SLC6A15: variants seen among roughly 807,000 people sequenced by gnomAD.
The protein encoded by SLC6A15 is sodium-dependent neutral amino acid transporter B(0)AT2.
In SLC6A15, 33 loss-of-function variants were observed where a neutral mutation model predicts 68.5. The ratio of observed to expected loss-of-function variants is 0.48; its 90% CI spans 0.37 to 0.64. The LOEUF is 0.64. Among genes scored for constraint, SLC6A15 ranks in the 30% least tolerant of loss-of-function variants. SLC6A15 has a pLI of 0.00. For missense variants in SLC6A15, 747 were observed against 874.3 expected (o/e 0.85, Z 1.84); for synonymous variants, 347 against 301.0 (o/e 1.15, Z -1.58).
chr12:84,874,366 GA>G (rs1871421545), intron 6 of SLC6A15: 1 of 152,120 alleles, frequency 6.6e-6, no homozygotes, highest in African/African-American at 2.4e-5. Flanking sequence ...TAACATAGAT[GA>G]GCTATAGCGG....
chr12:84,885,284 T>C, intron 4 of SLC6A15, 151 bp downstream of exon 4: 6 of 691,614 alleles, frequency 8.7e-6, no homozygotes, highest in Non-Finnish European at 1.3e-5. Context: ...TCTAAGAGTA[T>C]GTCAATCCTG....
intron 6 of SLC6A15, among the ~76,000 whole-genome samples, chr12:84,873,885 A>G (rs1239354501): frequency 6.6e-6 from 1 of 152,212 alleles, no homozygotes; most frequent in Non-Finnish European, 1.5e-5. Flanking sequence ...AATTGAAGAA[A>G]TTCACCTATA....
chr12:84,862,861 C>T (rs1870909349), intron 11 of SLC6A15, among the ~76,000 whole-genome samples: 1 of 152,042 alleles, frequency 6.6e-6, no homozygotes. Flanking sequence ...GTAATCATAA[C>T]TCACTTTAAC....
intron 1 of SLC6A15, among the ~76,000 whole-genome samples, chr12:84,907,305 G>A (rs568399666): frequency 2.0e-5 from 3 of 151,668 alleles, no homozygotes; most frequent in South Asian, 2.1e-4. Context: ...CTGAGATCGC[G>A]CCACTGAACT....
chr12:84,884,090 G>A, intron 4 of SLC6A15, 50 bp from the exon 5 acceptor site: 1 of 1,486,294 alleles, frequency 6.7e-7, no homozygotes, highest in South Asian at 1.2e-5. Flanking sequence ...AAAGAGCAAT[G>A]CGACAATTTC....
At chr12:84,881,501 G>T in intron 5 of SLC6A15, 1 of 985,374 alleles carries the variant, frequency 1.0e-6, no homozygotes. Flanking sequence ...ATCCAGTATT[G>T]CAGATGTGGT....
At position 84,860,770 on chromosome 12, in the gene SLC6A15, T is replaced by A. The variant is rs1229405850; in HGVS notation, c.*862A>T. The A allele has an allele frequency of 6.6e-6, 1 of 152,164 alleles. No individual in the cohort carries two copies. The highest frequency in any genetic ancestry group is 2.4e-5 in the African/African-American group (1 of 41,462). The allele number at this position is 152,164 out of a possible 1,614,324, so 9.4% of individuals were successfully genotyped here. ...CAAAACAGAAATATATTAATTAAAA[T>A]GCCATCTTGCTTCAAGTTTTCAAAT... On this transcript the variant is annotated 3_prime_UTR_variant, in exon 12 of 12. Transcript: ENST00000266682.
intron 5 of SLC6A15, among the ~76,000 whole-genome samples, chr12:84,879,966 G>GT (rs1207794955): frequency 3.3e-5 from 5 of 152,104 alleles, no homozygotes; most frequent in Non-Finnish European, 7.3e-5. Context: ...TTATTCTGCA[G>GT]TATTTTGAAA....
intron 8 of SLC6A15, among the ~76,000 whole-genome samples, chr12:84,871,408 C>T (rs1399579642): frequency 1.3e-5 from 2 of 150,194 alleles, no homozygotes; most frequent in Non-Finnish European, 3.0e-5. Context: ...AATAAAAAGA[C>T]AGATACTCCA....
chr12:84,869,132 C>T lies in SLC6A15; in HGVS notation c.1495+1346G>A, dbSNP rs146738029. Among the ~76,000 whole-genome samples the T allele has an allele frequency of 1.5e-3, 234 of 152,166 alleles. 5 individuals carry two copies. The East Asian group carries it at 0.042, about 27-fold the overall frequency. On this transcript the variant is annotated intron_variant, in intron 9 of 11. Coordinates refer to ENST00000266682, the MANE Select transcript of SLC6A15 (RefSeq NM_182767.6). ...AAATGATAAAGGTATATATTTGAGA[C>T]TTATTTAGACATATATTATTAGTAA...
In SLC6A15 at chr12:84,885,394, T is replaced by C. The variant is rs766684313; in HGVS notation, c.574+41A>G. On this transcript the variant is annotated intron_variant, in intron 4 of 11. Transcript: ENST00000266682. Reference sequence around the variant, plus strand: ...AAAGCTTGTACCTTTGCCACTCTTATAATGCTTAAATACCAAAACACTGTA... The same window carrying C: ...AAAGCTTGTACCTTTGCCACTCTTACAATGCTTAAATACCAAAACACTGTA... The C allele has an allele frequency of 7.9e-6, 12 of 1,528,500 alleles. 1 individual carries two copies. The Middle Eastern group carries it at 1.2e-3, about 159-fold the overall frequency. The allele number at this position is 1,528,500 out of a possible 1,614,324, so 94.7% of individuals were successfully genotyped here.
At position 84,884,036 on chromosome 12, in the gene SLC6A15, T is replaced by C. The variant is rs1235172310; in HGVS notation, c.579A>G (p.Val193=). 2 of 1,611,172 alleles carry C rather than the reference T, an allele frequency of 1.2e-6. No homozygotes were observed. Among genetic ancestry groups the C allele is most frequent in the Non-Finnish European group, 8.5e-7 (1 of 1,177,690 alleles). ...PLVKNASHTF[V]EPECEQSSAT... ...CAGAACTTTGTTCACATTCTGGTTC[T>C]ACAACTGTAGAAAGAAAAGTAACAC... The change falls in exon 5 of 12, where the codon GTA becomes GTG. Residue 193 remains valine, a synonymous_variant. Transcript: ENST00000266682.
rs1274006309 is a variant in SLC6A15, at chr12:84,861,548, A to C, written c.*84T>G. On this transcript the variant is annotated 3_prime_UTR_variant, in exon 12 of 12. Transcript: ENST00000266682. Reference sequence around the variant, plus strand: ...GGAACACCTGAGATTGCCCTCTGATAAGTGAAGCCTAATGCTTCTCCTACT... The same window carrying C: ...GGAACACCTGAGATTGCCCTCTGATCAGTGAAGCCTAATGCTTCTCCTACT... The C allele has an allele frequency of 2.7e-6, 4 of 1,461,078 alleles. No homozygotes were observed. Among genetic ancestry groups the C allele is most frequent in the Non-Finnish European group, 2.8e-6 (3 of 1,085,198 alleles). 90.5% of individuals were successfully genotyped at this position (1,461,078 alleles called of 1,614,324 possible). A position where few individuals can be genotyped will look rare whatever the true frequency, so the allele number is the denominator to read the frequency against.
rs769592933 is a variant in SLC6A15 at position 84,885,898 on chromosome 12, A to G, written c.447+13T>C. 2.5e-6 allele frequency: 4 copies of G among 1,596,580 alleles called. No individual in the cohort carries two copies. The African/African-American group carries it at 4.1e-5, about 16-fold the overall frequency. ...ATAAAGATTACAGCATACACCAACA[A>G]AAGGAAACTTACTACACAACTTGCA... On this transcript the variant is annotated intron_variant, in intron 3 of 11. Transcript: ENST00000266682.
chr12:84,885,420 T>G lies in SLC6A15; in HGVS notation c.574+15A>C. ...AATGCTTAAATACCAAAACACTGTA[T>G]TATACATATCTTACAAGTGTGTGAA... On this transcript the variant is annotated intron_variant, in intron 4 of 11. Coordinates refer to ENST00000266682, the MANE Select transcript of SLC6A15 (RefSeq NM_182767.6). 1 of 1,606,070 alleles carries G rather than the reference T, an allele frequency of 6.2e-7. No homozygotes were observed.
In SLC6A15 at chr12:84,890,585, C is replaced by T. The variant is rs116398503; in HGVS notation, c.289+1247G>A. ...GATGCACAGTGCGTCACTGACTCTA[C>T]GTTCGATCTTTACCTCTAAGGCAGA... On this transcript the variant is annotated intron_variant, in intron 2 of 11. Coordinates refer to ENST00000266682, the MANE Select transcript of SLC6A15 (RefSeq NM_182767.6). Among the ~76,000 whole-genome samples the T allele has an allele frequency of 7.4e-3, 1,132 of 152,274 alleles. 13 individuals are homozygous for T. Among genetic ancestry groups the T allele is most frequent in the African/African-American group, 0.026 (1,065 of 41,562 alleles).
At chr12:84,873,434 C>G in intron 6 of SLC6A15, 106 bp from the exon 7 acceptor site, 4 of 1,269,474 alleles carry the variant, frequency 3.2e-6, no homozygotes, top group Non-Finnish European at 4.4e-6. Context: ...ATTTATGCAT[C>G]CAAAGTTTAT....
At position 84,870,298 on chromosome 12, in the gene SLC6A15, TA is replaced by T. The variant is rs1279836793; in HGVS notation, c.1495+179del. Among the ~76,000 whole-genome samples, 5 of 150,092 alleles carry T rather than the reference TA, an allele frequency of 3.3e-5. No individual in the cohort carries two copies. In the South Asian group the frequency reaches 8.3e-4, roughly 25 times the overall value. On this transcript the variant is annotated intron_variant, in intron 9 of 11. Coordinates refer to ENST00000266682, the MANE Select transcript of SLC6A15 (RefSeq NM_182767.6). Reference sequence around the variant, plus strand: ...CATCCATATTATATTATACATACAATAAAAATTATACAATTAAAATAAAATA... The same window carrying T: ...CATCCATATTATATTATACATACAATAAAATTATACAATTAAAATAAAATA...
chr12:84,869,464 CAAAAAAA>C (rs34160834), intron 9 of SLC6A15, among the ~76,000 whole-genome samples: 2 of 63,212 alleles, frequency 3.2e-5, no homozygotes, highest in African/African-American at 1.2e-4. Flanking sequence ...GACTCCGTCT[CAAAAAAA>C]AAAAAAAAAA....
Sources: gnomAD v4.1 joint callset for allele counts (sites outside exome capture counted in the v4.1 genomes callset) on GRCh38, gnomAD v4.1.1 for gene constraint, MANE v1.5 for transcripts, NCBI Gene and HGNC (gene_info 2026-07-23, HGNC 2026-07-21) for gene names.